Variants in MAGEB18 observed in about 807,000 individuals in gnomAD.
MAGEB18 encodes MAGE family member B18.
MAGEB18 carries 6 observed loss-of-function variants against 6.3 expected under a neutral mutation model. That is an observed-to-expected ratio of 0.95 (90% CI 0.52 to 1.87). MAGEB18 has a LOEUF of 1.87. MAGEB18 is among the 40% of genes most tolerant of loss of function. MAGEB18 has a pLI of 0.01. For missense variants in MAGEB18, 228 were observed against 265.4 expected (o/e 0.86, Z 0.98); for synonymous variants, 93 against 97.0 (o/e 0.96, Z 0.24).
Position 26,140,064 on chromosome X carries a change from A to T in MAGEB18, c.*36+11A>T. 9.4e-7 allele frequency: 1 copy of T among 1,066,069 alleles called. No homozygotes were observed. Among genetic ancestry groups the T allele is most frequent in the Non-Finnish European group, 1.2e-6 (1 of 802,577 alleles). 87.9% of individuals were successfully genotyped at this position (1,066,069 alleles called of 1,213,427 possible). A position where few individuals can be genotyped will look rare whatever the true frequency, so the allele number is the denominator to read the frequency against. On this transcript the variant is annotated intron_variant, in intron 2 of 2. Transcript: ENST00000325250. ...TTTTTGGTCGAAAAGGTCTGTCAAC[A>T]TTCTAATAGTGGAGGGCCATGGTGG... is the stretch of plus-strand genomic sequence containing the variant.
rs779158571 is a variant in MAGEB18, at chrX:26,139,824, G to A, written c.839G>A (p.Ser280Asn). ...GGTCCAAGAGCTCACGCTGAAACTA[G>A]CAAGATGAAAGTCCTGGAGTTTGTA... ...LWGPRAHAET[S>N]KMKVLEFVAK... The change falls in exon 2 of 3, where the codon AGC (serine) becomes AAC (asparagine). Residue 280 changes from serine (S) to asparagine (N), a missense_variant. Physicochemically the swap from Ser to Asn is conservative, Grantham distance 46. Transcript: ENST00000325250. 8.3e-7 allele frequency: 1 copy of A among 1,209,838 alleles called. No homozygotes were observed.
rs758109476 is a variant in MAGEB18, at chrX:26,139,847, G to T, written c.862G>T (p.Val288Leu). ...TAGCAAGATGAAAGTCCTGGAGTTT[G>T]TAGCCAAGATACATGATACCGTCCC... ...ETSKMKVLEFVAKIHDTVPSA... is the reference protein window; with the variant it reads ...ETSKMKVLEFLAKIHDTVPSA... The change falls in exon 2 of 3, where the codon GTA becomes TTA. Residue 288 changes from valine (V) to leucine (L), a missense_variant. By Grantham distance (32) the Val-to-Leu change is conservative (BLOSUM62 1). Transcript: ENST00000325250. 7.2e-5 allele frequency: 87 copies of T among 1,209,533 alleles called. No homozygotes were observed. The highest frequency in any genetic ancestry group is 9.5e-5 in the Non-Finnish European group (85 of 895,064).
At position 26,138,936 on chromosome X, in the gene MAGEB18, A is replaced by C; in HGVS notation, c.-50A>C. 1 of 1,065,730 alleles carries C rather than the reference A, an allele frequency of 9.4e-7. No homozygotes were observed. The highest frequency in any genetic ancestry group is 1.3e-6 in the Non-Finnish European group (1 of 790,072). 87.8% of individuals were successfully genotyped at this position (1,065,730 alleles called of 1,213,427 possible). A position where few individuals can be genotyped will look rare whatever the true frequency, so the allele number is the denominator to read the frequency against. ...CTCCGTCTTCTAGGGTGCCCTCTTC[A>C]TCAATTCAACTGCCTGCACTATTGT... On this transcript the variant is annotated 5_prime_UTR_variant, in exon 2 of 3. Transcript: ENST00000325250.
chrX:26,139,077 C>T lies in MAGEB18; in HGVS notation c.92C>T (p.Thr31Ile), dbSNP rs141578185. 4.1e-6 allele frequency: 5 copies of T among 1,208,895 alleles called. No individual in the cohort carries two copies. The highest frequency in any genetic ancestry group is 1.8e-5 in the African/African-American group (1 of 56,949). ...ENQDLGATQA[T>I]VAEGESPSPA... ...CAGGATCTGGGAGCTACGCAGGCCA[C>T]TGTGGCAGAAGGAGAGTCACCCTCC... The change falls in exon 2 of 3, where the codon ACT becomes ATT. Residue 31 changes from threonine to isoleucine, a missense_variant. Physicochemically the swap from Thr to Ile is moderately conservative, Grantham distance 89 (BLOSUM62 -1). Transcript: ENST00000325250.
Position 26,139,800 on chromosome X carries a change from G to A in MAGEB18, c.815G>A (p.Gly272Asp). The change falls in exon 2 of 3, where the codon GGT (glycine) becomes GAT (aspartate). Residue 272 changes from glycine (G) to aspartate (D), a missense_variant. Coordinates refer to ENST00000325250, the MANE Select transcript of MAGEB18 (RefSeq NM_173699.4). ...SDPPRYEFLW[G>D]PRAHAETSKM... The stretch of plus-strand genomic sequence containing the variant: ...CCTCCACGCTATGAATTCCTGTGGG[G>A]TCCAAGAGCTCACGCTGAAACTAGC... 2 of 1,211,597 alleles carry A rather than the reference G, an allele frequency of 1.7e-6. No individual in the cohort carries two copies. Among genetic ancestry groups the A allele is most frequent in the Non-Finnish European group, 2.2e-6 (2 of 895,377 alleles).
In MAGEB18 at chrX:26,139,455, A is replaced by G; in HGVS notation, c.470A>G (p.Glu157Gly). Residue 157 changes from glutamate (E) to glycine (G), a missense_variant, in exon 2 of 3, where the codon GAG (glutamate) becomes GGG (glycine). Transcript: ENST00000325250. ...CTCAAGAGAGCCTCTGAGCACATGG[A>G]GCTGGCACTTGGTGTTGATTTGAAG... ...EILKRASEHMELALGVDLKEV... is the reference protein window; with the variant it reads ...EILKRASEHMGLALGVDLKEV... The G allele has an allele frequency of 1.7e-6, 2 of 1,206,373 alleles. No individual in the cohort carries two copies. The highest frequency in any genetic ancestry group is 1.8e-5 in the South Asian group (1 of 55,878).
At position 26,139,867 on chromosome X, in the gene MAGEB18, C is replaced by A. The variant is rs1928434560; in HGVS notation, c.882C>A (p.Thr294=). ...VLEFVAKIHD[T]VPSAFPSCYE... is the part of the protein sequence containing the mutation. ...AGTTTGTAGCCAAGATACATGATAC[C>A]GTCCCTAGTGCCTTCCCATCCTGCT... Residue 294 remains threonine, a synonymous_variant, in exon 2 of 3, where the codon ACC becomes ACA. Coordinates refer to ENST00000325250, the MANE Select transcript of MAGEB18 (RefSeq NM_173699.4). 8.3e-7 allele frequency: 1 copy of A among 1,208,501 alleles called. No individual in the cohort carries two copies. Among genetic ancestry groups the A allele is most frequent in the Admixed American group, 2.2e-5 (1 of 45,568 alleles).
At chrX:26,138,583 A>C (rs1928407366) in intron 1 of MAGEB18, 116 bp downstream of exon 1, 1 of 138,920 alleles carries the variant, frequency 7.2e-6, no homozygotes, top group Non-Finnish European at 1.4e-5. Flanking sequence ...TCTGTGTCCC[A>C]AAGCGCAGCT....
At position 26,139,875 on chromosome X, in the gene MAGEB18, G is replaced by A; in HGVS notation, c.890G>A (p.Ser297Asn). Reference protein sequence around the residue: ...FVAKIHDTVPSAFPSCYEEAL... With the variant: ...FVAKIHDTVPNAFPSCYEEAL... ...GCCAAGATACATGATACCGTCCCTAGTGCCTTCCCATCCTGCTATGAAGAG... is the reference window on the plus strand; with the variant it reads ...GCCAAGATACATGATACCGTCCCTAATGCCTTCCCATCCTGCTATGAAGAG... The change falls in exon 2 of 3, where the codon AGT (serine) becomes AAT (asparagine). Residue 297 changes from serine (S) to asparagine (N), a missense_variant. By Grantham distance (46) the Ser-to-Asn change is conservative. Coordinates refer to ENST00000325250, the MANE Select transcript of MAGEB18 (RefSeq NM_173699.4). 1 of 1,210,537 alleles carries A rather than the reference G, an allele frequency of 8.3e-7. No individual in the cohort carries two copies.
At chrX:26,138,663 G>A (rs1177010252) in intron 1 of MAGEB18, among the ~76,000 whole-genome samples, 196 bp downstream of exon 1, 1 of 111,686 alleles carries the variant, frequency 9.0e-6, no homozygotes, top group Non-Finnish European at 1.9e-5. Flanking sequence ...AAGCGAGGCA[G>A]CCTCAAGTCA....
rs1296474721 is a variant in MAGEB18 at position 26,140,063 on chromosome X, C to T, written c.*36+10C>T. ...CTTTTTGGTCGAAAAGGTCTGTCAA[C>T]ATTCTAATAGTGGAGGGCCATGGTG... On this transcript the variant is annotated intron_variant, in intron 2 of 2. Coordinates refer to ENST00000325250, the MANE Select transcript of MAGEB18 (RefSeq NM_173699.4). 2 of 1,077,315 alleles carry T rather than the reference C, an allele frequency of 1.9e-6. No homozygotes were observed. The highest frequency in any genetic ancestry group is 2.5e-6 in the Non-Finnish European group (2 of 811,173). The allele number at this position is 1,077,315 out of a possible 1,213,427, so 88.8% of individuals were successfully genotyped here.
chrX:26,139,623 G>A lies in MAGEB18; in HGVS notation c.638G>A (p.Arg213His), dbSNP rs757529816. 50 of 1,208,122 alleles carry A rather than the reference G, an allele frequency of 4.1e-5. No individual in the cohort carries two copies. The East Asian group carries it at 1.3e-3, about 31-fold the overall frequency. The change falls in exon 2 of 3, where the codon CGT becomes CAT. Residue 213 changes from arginine to histidine, a missense_variant. Transcript: ENST00000325250. ...ALGVIFLNGN[R>H]APEEAVWEIM... ...GGTGTGATCTTTCTGAATGGCAACC[G>A]TGCCCCAGAAGAGGCAGTCTGGGAA...
rs1928404104 is a variant in MAGEB18, at chrX:26,138,395, G to A, written c.-135G>A. ...CTTGACCTATCTTCCACATCATCAAGCTGTTACGGGCGAAACCTTGGTCTG... is the reference window on the plus strand; with the variant it reads ...CTTGACCTATCTTCCACATCATCAAACTGTTACGGGCGAAACCTTGGTCTG... On this transcript the variant is annotated 5_prime_UTR_variant, in exon 1 of 3. Transcript: ENST00000325250. 8.9e-6 allele frequency: 1 copy of A among 112,186 alleles called. No homozygotes were observed. Among genetic ancestry groups the A allele is most frequent in the Admixed American group, 9.4e-5 (1 of 10,598 alleles). 9.2% of individuals were successfully genotyped at this position (112,186 alleles called of 1,213,427 possible).
In MAGEB18 at chrX:26,139,605, T is replaced by C; in HGVS notation, c.620T>C (p.Ile207Thr). Residue 207 changes from isoleucine (I) to threonine (T), a missense_variant, in exon 2 of 3, where the codon ATC (isoleucine) becomes ACC (threonine). Coordinates refer to ENST00000325250, the MANE Select transcript of MAGEB18 (RefSeq NM_173699.4). ...CTCCTGATGATTGCACTGGGTGTGA[T>C]CTTTCTGAATGGCAACCGTGCCCCA... ...TGLLMIALGV[I>T]FLNGNRAPEE... The C allele has an allele frequency of 2.5e-6, 3 of 1,207,769 alleles. No homozygotes were observed. The highest frequency in any genetic ancestry group is 3.4e-6 in the Non-Finnish European group (3 of 893,345).
rs765940806 is a variant in MAGEB18 at position 26,139,190 on chromosome X, T to A, written c.205T>A (p.Ser69Thr). 7 of 1,208,344 alleles carry A rather than the reference T, an allele frequency of 5.8e-6. No individual in the cohort carries two copies. In the South Asian group the frequency reaches 1.2e-4, roughly 21 times the overall value. ...CCCTGAAGCGCTTCAGGGAGCCCCA[T>A]CCACCACCAATGCTATTGCACCTGT... ...SIPEALQGAP[S>T]TTNAIAPVSC... is the part of the protein sequence containing the mutation. The change falls in exon 2 of 3, where the codon TCC becomes ACC. Residue 69 changes from serine (S) to threonine (T), a missense_variant. Coordinates refer to ENST00000325250, the MANE Select transcript of MAGEB18 (RefSeq NM_173699.4).
rs767848885 is a variant in MAGEB18, at chrX:26,139,769, A to G, written c.784A>G (p.Ser262Gly). ...CCTGGAGTACCAGCAAGTGCCCAAC[A>G]GTGATCCTCCACGCTATGAATTCCT... ...KYLEYQQVPNSDPPRYEFLWG... is the reference protein window; with the variant it reads ...KYLEYQQVPNGDPPRYEFLWG... The change falls in exon 2 of 3, where the codon AGT becomes GGT. Residue 262 changes from serine to glycine, a missense_variant. Ser to Gly is a moderately conservative substitution (Grantham distance 56). Transcript: ENST00000325250. The G allele has an allele frequency of 3.3e-6, 4 of 1,210,219 alleles. No homozygotes were observed. Among genetic ancestry groups the G allele is most frequent in the East Asian group, 3.0e-5 (1 of 33,744 alleles).
At position 26,139,010 on chromosome X, in the gene MAGEB18, C is replaced by T. The variant is rs1436842822; in HGVS notation, c.25C>T (p.Leu9Phe). 13 of 1,206,974 alleles carry T rather than the reference C, an allele frequency of 1.1e-5. No individual in the cohort carries two copies. The highest frequency in any genetic ancestry group is 1.3e-5 in the Non-Finnish European group (12 of 893,594). MPRGQKSK[L>F]RAREKRHQAR... ...TATGCCTCGAGGTCAGAAGAGTAAG[C>T]TCCGTGCCCGTGAGAAACGCCACCA... The change falls in exon 2 of 3, where the codon CTC becomes TTC. Residue 9 changes from leucine (L) to phenylalanine (F), a missense_variant. Coordinates refer to ENST00000325250, the MANE Select transcript of MAGEB18 (RefSeq NM_173699.4).
Position 26,138,798 on chromosome X carries a change from C to A in MAGEB18, c.-62-126C>A, listed in dbSNP as rs186955951. 1.4e-5 allele frequency: 6 copies of A among 426,065 alleles called. No individual in the cohort carries two copies. In the Admixed American group the frequency reaches 2.7e-4, roughly 19 times the overall value. 35.1% of individuals were successfully genotyped at this position (426,065 alleles called of 1,213,427 possible). A position where few individuals can be genotyped will look rare whatever the true frequency, so the allele number is the denominator to read the frequency against. On this transcript the variant is annotated intron_variant, in intron 1 of 2. Transcript: ENST00000325250. ...ACAACCCCCCACAGAACAGTCCCACCCCGCTCCTGCCTTATGGGTTCCTAA... is the reference window on the plus strand; with the variant it reads ...ACAACCCCCCACAGAACAGTCCCACACCGCTCCTGCCTTATGGGTTCCTAA...
chrX:26,139,068 C>T lies in MAGEB18; in HGVS notation c.83C>T (p.Thr28Met), dbSNP rs1416530234. 12 of 1,208,836 alleles carry T rather than the reference C, an allele frequency of 9.9e-6. No individual in the cohort carries two copies. Among genetic ancestry groups the T allele is most frequent in the East Asian group, 3.0e-5 (1 of 33,706 alleles). ...TGTGAGAATCAGGATCTGGGAGCTA[C>T]GCAGGCCACTGTGGCAGAAGGAGAG... is the stretch of plus-strand genomic sequence containing the variant. ...ARCENQDLGA[T>M]QATVAEGESP... The change falls in exon 2 of 3, where the codon ACG becomes ATG. Residue 28 changes from threonine (T) to methionine (M), a missense_variant. Physicochemically the swap from Thr to Met is moderately conservative, Grantham distance 81. Coordinates refer to ENST00000325250, the MANE Select transcript of MAGEB18 (RefSeq NM_173699.4).
Sources: allele counts gnomAD v4.1 joint callset (sites outside exome capture counted in the v4.1 genomes callset), GRCh38; gene constraint gnomAD v4.1.1; transcripts MANE v1.5; gene names NCBI Gene and HGNC (gene_info 2026-07-23, HGNC 2026-07-21).